Variants in B3GNT2 observed in about 807,000 individuals in gnomAD.
B3GNT2 encodes N-acetyllactosaminide beta-1,3-N-acetylglucosaminyltransferase 2.
B3GNT2 carries 12 observed loss-of-function variants against 27.6 expected under a neutral mutation model. The ratio of observed to expected loss-of-function variants is 0.44; its 90% confidence interval spans 0.28 to 0.71. The LOEUF (loss-of-function observed/expected upper bound fraction) is 0.71, where lower values mean the gene tolerates loss of function less well. Ranked by LOEUF, B3GNT2 falls within the 30% of genes least tolerant of loss-of-function variation. The probability of loss-of-function intolerance (pLI) is 0.17; values close to 1 mark genes in which losing one functional copy is unlikely to be tolerated. For missense variants in B3GNT2, 413 were observed against 488.5 expected (o/e 0.85, Z 1.46); for synonymous variants, 192 against 189.7 (o/e 1.01, Z -0.10).
At chr2:62,211,666 C>T (rs1020986934) in intron 1 of B3GNT2, among the ~76,000 whole-genome samples, 1 of 152,222 alleles carries the variant, frequency 6.6e-6, no homozygotes, top group African/African-American at 2.4e-5. Flanking sequence ...GAAGCAGCCA[C>T]AGCTTCACAT....
intron 1 of B3GNT2, among the ~76,000 whole-genome samples, chr2:62,201,303 A>G (rs892880770): frequency 6.6e-6 from 1 of 152,178 alleles, no homozygotes; most frequent in African/African-American, 2.4e-5. Context: ...TCCCATTCAG[A>G]GTTGTTTGGC....
intron 1 of B3GNT2, among the ~76,000 whole-genome samples, chr2:62,197,129 G>A (rs1183035813): frequency 6.6e-6 from 1 of 152,180 alleles, no homozygotes; most frequent in Admixed American, 6.5e-5. Context: ...GGTGCTGCCA[G>A]GCCAGGGAGC....
At chr2:62,220,768 T>A (rs1463229490) in intron 1 of B3GNT2, among the ~76,000 whole-genome samples, 2 of 152,210 alleles carry the variant, frequency 1.3e-5, no homozygotes, top group Non-Finnish European at 2.9e-5. Context: ...CAGCTCTTTA[T>A]AGAACATTGC....
At chr2:62,215,162 G>T (rs1674549378) in intron 1 of B3GNT2, among the ~76,000 whole-genome samples, 1 of 152,208 alleles carries the variant, frequency 6.6e-6, no homozygotes. Flanking sequence ...TTGCCTGTGG[G>T]ACTGTGTAGG....
At chr2:62,219,578 C>T (rs570662606) in intron 1 of B3GNT2, among the ~76,000 whole-genome samples, 108 of 152,244 alleles carry the variant, frequency 7.1e-4, no homozygotes, top group Non-Finnish European at 1.2e-3. Flanking sequence ...CTCTGCCTGG[C>T]CCCTTTGCAA....
rs79844665 is a variant in B3GNT2 at position 62,206,805 on chromosome 2, C to T, written c.-10+10450C>T. On this transcript the variant is annotated intron_variant, in intron 1 of 1. Coordinates refer to ENST00000301998, the MANE Select transcript of B3GNT2 (RefSeq NM_006577.6). ...CAGTTCTCTCCAAGCTGCTACCCTA[C>T]AAGACTCCAAATGGATAAGCCAAGG... is the stretch of plus-strand genomic sequence containing the variant. Among the ~76,000 whole-genome samples, 72 of 152,286 alleles carry T rather than the reference C, an allele frequency of 4.7e-4. 3 individuals are homozygous for T. In the East Asian group the frequency reaches 0.011, roughly 24 times the overall value.
At chr2:62,197,761 C>T (rs900175875) in intron 1 of B3GNT2, among the ~76,000 whole-genome samples, 13 of 152,242 alleles carry the variant, frequency 8.5e-5, no homozygotes, top group East Asian at 1.9e-4. Flanking sequence ...CTGGCCGAGC[C>T]AGTCCCGGGG....
chr2:62,222,188 C>A lies in B3GNT2; in HGVS notation c.-9-24C>A, dbSNP rs747758308. ...AATGCAAATTGATAAGTAATTGATA[C>A]AATACTCCACCCCTTTATTCCAGAT... On this transcript the variant is annotated intron_variant, in intron 1 of 1. Coordinates refer to ENST00000301998, the MANE Select transcript of B3GNT2 (RefSeq NM_006577.6). This position sits in a 1 kb window ranked among gnomAD's most constrained non-coding sequence, Gnocchi z 4.2. 9.1e-6 allele frequency: 14 copies of A among 1,538,722 alleles called. No homozygotes were observed. Among genetic ancestry groups the A allele is most frequent in the Non-Finnish European group, 1.2e-5 (14 of 1,142,124 alleles).
intron 1 of B3GNT2, among the ~76,000 whole-genome samples, chr2:62,210,844 C>A (rs537471739): frequency 2.0e-5 from 3 of 152,052 alleles, no homozygotes; most frequent in Middle Eastern, 3.4e-3. Flanking sequence ...GGGTATACAA[C>A]GAGAGGATAA....
At position 62,222,715 on chromosome 2, in the gene B3GNT2, G is replaced by C; in HGVS notation, c.495G>C (p.Trp165Cys). 1 of 1,614,182 alleles carries C rather than the reference G, an allele frequency of 6.2e-7. No homozygotes were observed. The highest frequency in any genetic ancestry group is 8.5e-7 in the Non-Finnish European group (1 of 1,180,042). The change falls in exon 2 of 2, where the codon TGG becomes TGC. Residue 165 changes from tryptophan to cysteine, a missense_variant. By Grantham distance (215) the Trp-to-Cys change is radical. Transcript: ENST00000301998. This position sits in a 1 kb window ranked among gnomAD's most constrained non-coding sequence, Gnocchi z 4.2. ...GAAGGCAAGCAATCCGGGAATCCTG[G>C]GGCCAAGAAAGCAACGCAGGGAACC... is the stretch of plus-strand genomic sequence containing the variant. The part of the protein sequence containing the change: ...FARRQAIRES[W>C]GQESNAGNQT...
intron 1 of B3GNT2, among the ~76,000 whole-genome samples, chr2:62,215,150 T>A (rs1674549207): frequency 6.6e-6 from 1 of 152,240 alleles, no homozygotes; most frequent in Non-Finnish European, 1.5e-5. Flanking sequence ...TGATCTATAA[T>A]GTTGCCTGTG....
At chr2:62,209,028 C>T (rs186099911) in intron 1 of B3GNT2, among the ~76,000 whole-genome samples, 106 of 152,136 alleles carry the variant, frequency 7.0e-4, no homozygotes, top group African/African-American at 2.5e-3. Flanking sequence ...TCACTCTTGC[C>T]CAGGCTGGGT....
chr2:62,219,842 G>C (rs928740146), intron 1 of B3GNT2, among the ~76,000 whole-genome samples: 1 of 152,216 alleles, frequency 6.6e-6, no homozygotes, highest in Non-Finnish European at 1.5e-5. Context: ...GGGGACCAGG[G>C]AGTGGGTGCT....
At chr2:62,217,413 T>C (rs1674597572) in intron 1 of B3GNT2, among the ~76,000 whole-genome samples, 3 of 152,162 alleles carry the variant, frequency 2.0e-5, no homozygotes, top group South Asian at 2.1e-4. Flanking sequence ...AAATAAGCAG[T>C]GGGAATTTAG....
chr2:62,205,697 A>AC (rs1227825201), intron 1 of B3GNT2: 1 of 152,322 alleles, frequency 6.6e-6, no homozygotes, highest in East Asian at 1.9e-4. Flanking sequence ...AAGAGGCAGC[A>AC]TCCCAGAGGG....
Position 62,223,045 on chromosome 2 carries a change from G to T in B3GNT2, c.825G>T (p.Val275=). The T allele has an allele frequency of 6.2e-7, 1 of 1,614,218 alleles. No individual in the cohort carries two copies. The highest frequency in any genetic ancestry group is 1.1e-5 in the South Asian group (1 of 91,084). The part of the protein sequence containing the change: ...TKAKDLFIGD[V]IHNAGPHRDK... ...CCAAAGATCTCTTCATAGGTGATGT[G>T]ATCCACAATGCTGGACCTCATCGGG... Residue 275 remains valine (V), a synonymous_variant, in exon 2 of 2, where the codon GTG becomes GTT. Transcript: ENST00000301998.
chr2:62,198,453 A>G (rs1166640636), intron 1 of B3GNT2, among the ~76,000 whole-genome samples: 1 of 152,238 alleles, frequency 6.6e-6, no homozygotes, highest in African/African-American at 2.4e-5. Flanking sequence ...TCCTCCTGGC[A>G]TCGACTTCCC....
At chr2:62,221,308 T>C (rs1674686253) in intron 1 of B3GNT2, among the ~76,000 whole-genome samples, 1 of 152,258 alleles carries the variant, frequency 6.6e-6, no homozygotes, top group African/African-American at 2.4e-5. Context: ...ATCTGTTCTG[T>C]TGATATTGGG....
chr2:62,218,108 C>T (rs1674610057), intron 1 of B3GNT2, among the ~76,000 whole-genome samples: 3 of 152,192 alleles, frequency 2.0e-5, no homozygotes, highest in Non-Finnish European at 4.4e-5. Flanking sequence ...TAACTTCCTG[C>T]TGAAGAAAGG....
Sources: gnomAD v4.1 joint callset for allele counts (sites outside exome capture counted in the v4.1 genomes callset) on GRCh38, gnomAD v4.1.1 for gene constraint, Gnocchi (gnomAD v3.1) non-coding constraint, MANE v1.5 for transcripts, NCBI Gene and HGNC (gene_info 2026-07-23, HGNC 2026-07-21) for gene names.